Variants in SHPRH observed in about 807,000 individuals in gnomAD.
The protein encoded by SHPRH is SNF2 histone linker PHD RING helicase.
A neutral mutation model predicts 202.5 loss-of-function variants in SHPRH; 106 were observed. The observed-to-expected ratio is 0.52, with a 90% CI of 0.45 to 0.62. The LOEUF is 0.62. Among genes scored for constraint, SHPRH ranks in the 20% least tolerant of loss-of-function variants. The pLI, the probability that SHPRH is intolerant of heterozygous loss-of-function variation, is 0.00. For synonymous variants in SHPRH, 729 were observed against 686.0 expected, an observed-to-expected ratio of 1.06 and a Z score of -0.98; for missense variants, 1,710 against 2,020.0, an observed-to-expected ratio of 0.85 and a Z score of 2.94.
rs202006496 is a variant in SHPRH, at chr6:145,921,691, G to C, written c.3783-299C>G. ...ATATGTGAGGAAAATTTCTATTTTA[G>C]AGAAGTTATATCTGTTGGAGATAAA... On this transcript the variant is annotated intron_variant, in intron 20 of 29. Coordinates refer to ENST00000275233, the MANE Select transcript of SHPRH (RefSeq NM_001042683.3). Among the ~76,000 whole-genome samples the C allele has an allele frequency of 5.3e-5, 8 of 152,072 alleles. No individual in the cohort carries two copies. In the East Asian group the frequency reaches 1.4e-3, roughly 26 times the overall value.
At chr6:145,895,537 G>T (rs201069640) in intron 25 of SHPRH, among the ~76,000 whole-genome samples, 5 of 141,418 alleles carry the variant, frequency 3.5e-5, no homozygotes, top group Non-Finnish European at 7.7e-5. Flanking sequence ...AAAACTGTGT[G>T]TTTTTTTTTT....
At chr6:145,864,932 AACACACACACTC>A (rs1402631231) in intron 2 of SHPRH, among the ~76,000 whole-genome samples, 51 of 133,852 alleles carry the variant, frequency 3.8e-4, no homozygotes, top group South Asian at 1.0e-3. Flanking sequence ...AAAATTTATA[AACACACACACTC>A]ACACACACAC....
chr6:145,890,356 C>T (rs1183937192), intron 28 of SHPRH, among the ~76,000 whole-genome samples: 1 of 152,180 alleles, frequency 6.6e-6, no homozygotes, highest in East Asian at 1.9e-4. Context: ...AGGCTGTCAC[C>T]TCTACCACTT....
intron 11 of SHPRH, among the ~76,000 whole-genome samples, chr6:145,938,144 G>A (rs1001409926): frequency 6.6e-6 from 1 of 152,058 alleles, no homozygotes; most frequent in Admixed American, 6.6e-5. Context: ...TTAGGAGGTG[G>A]GGCCTAATTA....
intron 23 of SHPRH, chr6:145,917,204 A>T (rs1784032006): frequency 6.6e-6 from 1 of 152,210 alleles, no homozygotes; most frequent in Admixed American, 6.5e-5. Flanking sequence ...AGTGCTTAAT[A>T]GATCAGAAAC....
In SHPRH at chr6:145,943,361, G is replaced by C; in HGVS notation, c.2020C>G (p.Arg674Gly). The C allele has an allele frequency of 6.2e-7, 1 of 1,613,940 alleles. No homozygotes were observed. The highest frequency in any genetic ancestry group is 8.5e-7 in the Non-Finnish European group (1 of 1,179,946). Residue 674 changes from arginine (R) to glycine (G), a missense_variant, in exon 9 of 30, where the codon CGT (arginine) becomes GGT (glycine). Physicochemically the swap from Arg to Gly is moderately radical, Grantham distance 125. Transcript: ENST00000275233. ...GELDQIDRKP[R>G]VQCLKCHLWQ... Reference sequence around the variant, plus strand: ...AGGTGACACTTCAGGCATTGAACACGAGGCTTACGATCTATCTGATCAAGT... The same window carrying C: ...AGGTGACACTTCAGGCATTGAACACCAGGCTTACGATCTATCTGATCAAGT...
In SHPRH at chr6:145,935,322, C is replaced by T. The variant is rs1161133715; in HGVS notation, c.2689G>A (p.Ala897Thr). ...TTTGCAGACCTCCACAGTATCTTGG[C>T]AATAAAGCTGTAGAGATGCTGAGGA... ...KNPQHLYSFI[A>T]KILWRSAKKD... is the part of the protein sequence containing the mutation. The change falls in exon 12 of 30, where the codon GCC becomes ACC. Residue 897 changes from alanine (A) to threonine (T), a missense_variant. Physicochemically the swap from Ala to Thr is moderately conservative, Grantham distance 58 (BLOSUM62 0). Around this residue, in one of 8 missense-constraint regions of SHPRH, gnomAD observed 277 missense variants for 363.0 expected, o/e 0.76. Transcript: ENST00000275233. The T allele has an allele frequency of 1.2e-6, 2 of 1,613,994 alleles. No homozygotes were observed. Among genetic ancestry groups the T allele is most frequent in the Non-Finnish European group, 1.7e-6 (2 of 1,180,002 alleles).
At chr6:145,931,870 A>T (rs1785488818) in intron 14 of SHPRH, among the ~76,000 whole-genome samples, 1 of 148,062 alleles carries the variant, frequency 6.8e-6, no homozygotes, top group Non-Finnish European at 1.5e-5. Flanking sequence ...TTTACATGAT[A>T]TAAAACCCAC....
At chr6:145,880,456 C>T (rs1165817016), downstream of SHPRH, among the ~76,000 whole-genome samples, 1 of 151,928 alleles carries the variant, frequency 6.6e-6, no homozygotes, top group Non-Finnish European at 1.5e-5. Flanking sequence ...TGGAGAAACC[C>T]TGTCTCTACA....
At position 145,913,546 on chromosome 6, in the gene SHPRH, G is replaced by T; in HGVS notation, c.4258C>A (p.Gln1420Lys). Residue 1420 changes from glutamine to lysine, a missense_variant, in exon 24 of 30, where the codon CAA becomes AAA. Physicochemically the swap from Gln to Lys is moderately conservative, Grantham distance 53. Coordinates refer to ENST00000275233, the MANE Select transcript of SHPRH (RefSeq NM_001042683.3). ...TTAACACCTCCCGATGTTTTATCTT[G>T]AGACTATCCAAAAAAGAATTAAAAA... ...LLYLTNLEKSQDKTSGGVNPE... is the reference protein window; with the variant it reads ...LLYLTNLEKSKDKTSGGVNPE... The T allele has an allele frequency of 6.2e-7, 1 of 1,604,942 alleles. No individual in the cohort carries two copies. Among genetic ancestry groups the T allele is most frequent in the Non-Finnish European group, 8.5e-7 (1 of 1,176,552 alleles).
intron 3 of SHPRH, among the ~76,000 whole-genome samples, chr6:145,950,800 T>C (rs1787897700): frequency 6.6e-6 from 1 of 152,074 alleles, no homozygotes; most frequent in Non-Finnish European, 1.5e-5. Context: ...ACTGGTCCTT[T>C]CCCCAGGGTA....
the SHPRH span, among the ~76,000 whole-genome samples, chr6:145,858,270 A>C: frequency 6.6e-6 from 1 of 152,132 alleles, no homozygotes; most frequent in African/African-American, 2.4e-5. Context: ...ATGTATGCTC[A>C]TAGCCATTTT....
At chr6:145,944,317 T>A (rs867745297) in intron 8 of SHPRH, among the ~76,000 whole-genome samples, 20 of 152,278 alleles carry the variant, frequency 1.3e-4, no homozygotes, top group Non-Finnish European at 2.2e-4. Context: ...TTGTGTTAGA[T>A]GCTAGGGACA....
rs75684725 is a variant in SHPRH at position 145,884,950 on chromosome 6, A to T, written c.*1741T>A. On this transcript the variant is annotated 3_prime_UTR_variant, in exon 30 of 30. Coordinates refer to ENST00000275233, the MANE Select transcript of SHPRH (RefSeq NM_001042683.3). ...AGCATATCAAATTGTTTTCTCTAAA[A>T]CATAGCTCAGAAAGGAATAGTAGAA... is the stretch of plus-strand genomic sequence containing the variant. 1.5e-4 allele frequency: 23 copies of T among 152,310 alleles called. No homozygotes were observed. The East Asian group carries it at 4.4e-3, about 29-fold the overall frequency. 9.4% of individuals were successfully genotyped at this position (152,310 alleles called of 1,614,324 possible).
rs768634573 is a variant in SHPRH at position 145,946,227 on chromosome 6, A to T, written c.1321+6T>A. 13 of 1,602,324 alleles carry T rather than the reference A, an allele frequency of 8.1e-6. No homozygotes were observed. Among genetic ancestry groups the T allele is most frequent in the Non-Finnish European group, 1.1e-5 (13 of 1,173,366 alleles). ...AGGTATTTCCTTTAAGAGATGTCTT[A>T]CTTACGAGGGCATTGAACTTTTTCT... On this transcript the variant is annotated splice_donor_region_variant and intron_variant, in intron 7 of 29. Coordinates refer to ENST00000275233, the MANE Select transcript of SHPRH (RefSeq NM_001042683.3).
chr6:145,958,249 G>A (rs1188767041), intron 1 of SHPRH, among the ~76,000 whole-genome samples: 3 of 152,010 alleles, frequency 2.0e-5, no homozygotes, highest in Non-Finnish European at 4.4e-5. Context: ...GTATACATCT[G>A]TCAAAACTCA....
At chr6:145,952,271 T>G (rs1479588760) in intron 3 of SHPRH, 78 bp downstream of exon 3, 2 of 1,283,084 alleles carry the variant, frequency 1.6e-6, no homozygotes, top group Non-Finnish European at 2.1e-6. Context: ...GTTTTTCTGA[T>G]TGTTATGTCC....
chr6:145,917,078 A>G (rs539358441), intron 23 of SHPRH: 6 of 152,228 alleles, frequency 3.9e-5, no homozygotes, highest in African/African-American at 1.4e-4. Flanking sequence ...TCTTAATGTT[A>G]GCAATTTGCA....
chr6:145,908,708 CCT>C (rs1783199919), intron 25 of SHPRH: 4 of 152,098 alleles, frequency 2.6e-5, no homozygotes, highest in Admixed American at 2.6e-4. Flanking sequence ...CTGTAGGATG[CCT>C]GTTTACCGAC....
Sources: gnomAD v4.1 joint callset for allele counts (sites outside exome capture counted in the v4.1 genomes callset) on GRCh38, gnomAD v4.1.1 for gene constraint, gnomAD v4.1.1 regional missense constraint, MANE v1.5 for transcripts, NCBI Gene and HGNC (gene_info 2026-07-23, HGNC 2026-07-21) for gene names.